The following NME9 variants were observed in gnomAD, a reference collection of about 807,000 sequenced individuals.
NME9 encodes NME/NM23 family member 9.
A neutral mutation model predicts 44.4 loss-of-function variants in NME9; 48 were observed. That is an observed-to-expected ratio of 1.08 (90% CI 0.86 to 1.37). NME9 has a LOEUF of 1.37. Ranked by LOEUF, NME9 falls within the 40% of genes most tolerant of loss-of-function variation. The pLI is 0.00. For missense variants in NME9, 325 were observed against 405.2 expected, an observed-to-expected ratio of 0.80 and a Z score of 1.70; for synonymous variants, 139 against 147.1, an observed-to-expected ratio of 0.94 and a Z score of 0.40.
At chr3:138,264,998 A>G (rs1351303883) in intron 8 of NME9, among the ~76,000 whole-genome samples, 1 of 151,804 alleles carries the variant, frequency 6.6e-6, no homozygotes, top group Non-Finnish European at 1.5e-5. Context: ...CCCCGGCCCA[A>G]GTGATTCTCC....
rs1487685450 is a variant in NME9, at chr3:138,317,798, G to A, written c.267+350C>T. Among the ~76,000 whole-genome samples the A allele has an allele frequency of 2.6e-5, 4 of 152,210 alleles. No homozygotes were observed. In the East Asian group the frequency reaches 5.8e-4, roughly 22 times the overall value. Reference sequence around the variant, plus strand: ...GCCAAAAAGGAGCATGTACATTTGAGTGACTGGTACTCTCTCCCTGTGTAC... The same window carrying A: ...GCCAAAAAGGAGCATGTACATTTGAATGACTGGTACTCTCTCCCTGTGTAC... On this transcript the variant is annotated intron_variant, in intron 4 of 10. Coordinates refer to ENST00000333911, the MANE Select transcript of NME9 (RefSeq NM_001349018.2).
At chr3:138,272,832 A>T in intron 8 of NME9, 1 of 725,446 alleles carries the variant, frequency 1.4e-6, no homozygotes, top group Non-Finnish European at 2.0e-6. Flanking sequence ...TTATTGTGCC[A>T]CTGCACACCA....
intron 8 of NME9, among the ~76,000 whole-genome samples, chr3:138,265,974 T>C (rs965665464): frequency 1.1e-4 from 17 of 152,186 alleles, no homozygotes; most frequent in African/African-American, 4.1e-4. Flanking sequence ...TATGATTCAC[T>C]ACTCAGGAGC....
chr3:138,307,954 G>A (rs866375215), intron 6 of NME9, among the ~76,000 whole-genome samples: 6 of 152,186 alleles, frequency 3.9e-5, no homozygotes, highest in Admixed American at 2.0e-4. Context: ...TGAGCGCAGA[G>A]GCCAGATTGC....
intron 1 of NME9, chr3:138,327,210 T>C (rs1345425025): frequency 6.6e-6 from 1 of 151,994 alleles, no homozygotes; most frequent in Non-Finnish European, 1.5e-5. Flanking sequence ...TCCTTACTTT[T>C]TTTGTTTCAA....
intron 8 of NME9, among the ~76,000 whole-genome samples, chr3:138,275,359 C>G (rs564616024): frequency 3.7e-4 from 56 of 152,112 alleles, no homozygotes; most frequent in Non-Finnish European, 7.4e-4. Context: ...AGATCGAGAC[C>G]ATCCTGGCTA....
intron 8 of NME9, among the ~76,000 whole-genome samples, chr3:138,282,100 C>T (rs1349799525): frequency 6.6e-6 from 1 of 152,182 alleles, no homozygotes; most frequent in Admixed American, 6.5e-5. Flanking sequence ...CTAGATTGGC[C>T]TCACCCTCTG....
At chr3:138,274,628 C>A in intron 8 of NME9, 1 of 985,204 alleles carries the variant, frequency 1.0e-6, no homozygotes, top group Non-Finnish European at 1.6e-6. Flanking sequence ...ATATTCAAAT[C>A]TGCAGAAGAC....
intron 4 of NME9, among the ~76,000 whole-genome samples, chr3:138,315,898 C>T (rs1577175032): frequency 6.6e-6 from 1 of 152,220 alleles, no homozygotes; most frequent in East Asian, 1.9e-4. Flanking sequence ...GTGGCGTGAC[C>T]TCGGCTCACT....
At chr3:138,313,974 C>G (rs956758078) in intron 6 of NME9, among the ~76,000 whole-genome samples, 2 of 152,146 alleles carry the variant, frequency 1.3e-5, no homozygotes, top group South Asian at 2.1e-4. Context: ...CAGAAGAAAT[C>G]AGACCTGGTA....
At chr3:138,305,575 C>CGG (rs1452797259) in intron 8 of NME9, among the ~76,000 whole-genome samples, 3 of 152,098 alleles carry the variant, frequency 2.0e-5, no homozygotes, top group Non-Finnish European at 4.4e-5. Flanking sequence ...AGGGTTCTGA[C>CGG]CCAAGCTAAG....
intron 6 of NME9, among the ~76,000 whole-genome samples, chr3:138,313,952 T>C (rs1003789887): frequency 6.6e-6 from 1 of 152,112 alleles, no homozygotes; most frequent in Non-Finnish European, 1.5e-5. Flanking sequence ...ATAGGTACAA[T>C]CTACAGATAG....
intron 8 of NME9, among the ~76,000 whole-genome samples, chr3:138,268,892 T>G (rs2048526672): frequency 6.6e-6 from 1 of 152,224 alleles, no homozygotes; most frequent in South Asian, 2.1e-4. Context: ...TAGATTTGAT[T>G]AAAGTATTAT....
chr3:138,271,618 CCTTAGAGTCATCT>C (rs1413947150), intron 8 of NME9, among the ~76,000 whole-genome samples: 1 of 152,094 alleles, frequency 6.6e-6, no homozygotes, highest in Non-Finnish European at 1.5e-5. Context: ...AAATATAAAA[CCTTAGAGTCATCT>C]CTGACCTGGG....
chr3:138,299,965 G>A (rs1354203935), downstream of NME9, among the ~76,000 whole-genome samples: 1 of 152,126 alleles, frequency 6.6e-6, no homozygotes, highest in African/African-American at 2.4e-5. Flanking sequence ...TGGTGTGGAA[G>A]CCCAGGCATA....
intron 8 of NME9, among the ~76,000 whole-genome samples, chr3:138,265,591 G>T (rs2048200641): frequency 6.6e-6 from 1 of 152,148 alleles, no homozygotes; most frequent in African/African-American, 2.4e-5. Flanking sequence ...GACCATTCAG[G>T]CAGGAAGAAT....
At chr3:138,263,015 CT>C (rs150424782) in intron 8 of NME9, among the ~76,000 whole-genome samples, 1,879 of 152,298 alleles carry the variant, frequency 0.012, 36 homozygotes, top group African/African-American at 0.041. Context: ...CATGGAAGAA[CT>C]CAACAAATGT....
At chr3:138,318,978 G>T (rs2053287093) in intron 3 of NME9, among the ~76,000 whole-genome samples, 1 of 152,120 alleles carries the variant, frequency 6.6e-6, no homozygotes, top group African/African-American at 2.4e-5. Flanking sequence ...TGGGAGGATT[G>T]CTTGAGCCTG....
chr3:138,296,008 T>G, downstream of NME9: 1 of 1,142,572 alleles, frequency 8.8e-7, no homozygotes, highest in Non-Finnish European at 1.2e-6. Context: ...CAGGGAGCTG[T>G]TTTGCAAAAG....
Sources: allele counts gnomAD v4.1 joint callset (sites outside exome capture counted in the v4.1 genomes callset), GRCh38; gene constraint gnomAD v4.1.1; transcripts MANE v1.5; gene names NCBI Gene and HGNC (gene_info 2026-07-23, HGNC 2026-07-21).